The following FLRT1 variants were observed in gnomAD, a reference collection of about 807,000 sequenced individuals.
FLRT1 encodes the protein leucine-rich repeat transmembrane protein FLRT1.
FLRT1 carries 14 observed loss-of-function variants against 30.9 expected under a neutral mutation model. That is an observed-to-expected ratio of 0.45 (90% confidence interval 0.30 to 0.71). The LOEUF (loss-of-function observed/expected upper bound fraction) is 0.71. Ranked by LOEUF, FLRT1 falls within the 30% of genes least tolerant of loss-of-function variation. FLRT1 has a pLI of 0.08. For synonymous variants in FLRT1, 368 were observed against 430.4 expected, an observed-to-expected ratio of 0.85 and a Z score of 1.80; for missense variants, 737 against 949.2, an observed-to-expected ratio of 0.78 and a Z score of 2.94.
chr11:64,070,906 C>T (rs908804131), intron 1 of FLRT1, among the ~76,000 whole-genome samples: 5 of 152,012 alleles, frequency 3.3e-5, no homozygotes. Flanking sequence ...GGAAGGGGTA[C>T]CCATGGGTCC....
chr11:64,051,110 G>A (rs1275120305), intron 1 of FLRT1, among the ~76,000 whole-genome samples: 1 of 152,196 alleles, frequency 6.6e-6, no homozygotes, highest in Non-Finnish European at 1.5e-5. Flanking sequence ...TGCTGCCTGT[G>A]GGTGCAGCCC....
chr11:64,067,645 G>C lies in FLRT1; in HGVS notation c.-1038+31486G>C, dbSNP rs532120408. Reference sequence around the variant, plus strand: ...CCCGTGGCCTCCGGTGCACACACAGGGTCCCCAAGCAGGCAGCTGGAGGGC... The same window carrying C: ...CCCGTGGCCTCCGGTGCACACACAGCGTCCCCAAGCAGGCAGCTGGAGGGC... On this transcript the variant is annotated intron_variant, in intron 1 of 2. Coordinates refer to ENST00000682287, the MANE Select transcript of FLRT1 (RefSeq NM_013280.5). The surrounding 1 kb of genome is among the most constrained non-coding windows in gnomAD (Gnocchi z 4.6). 1.9e-4 allele frequency among the ~76,000 whole-genome samples: 29 copies of C among 152,250 alleles called. No homozygotes were observed. The East Asian group carries it at 4.1e-3, about 21-fold the overall frequency.
chr11:64,092,265 A>G (rs926934268), intron 1 of FLRT1, among the ~76,000 whole-genome samples: 4 of 152,062 alleles, frequency 2.6e-5, no homozygotes, highest in African/African-American at 7.2e-5. Flanking sequence ...AAAATTAAAC[A>G]CGGATGGTTT....
chr11:64,086,264 T>C (rs887887649), intron 1 of FLRT1, among the ~76,000 whole-genome samples: 1 of 151,604 alleles, frequency 6.6e-6, no homozygotes, highest in Non-Finnish European at 1.5e-5. Flanking sequence ...AGAGGGAGGC[T>C]TCCTTTGTTG....
chr11:64,053,046 C>T (rs74932083), intron 1 of FLRT1, among the ~76,000 whole-genome samples: 1,902 of 152,318 alleles, frequency 0.012, 39 homozygotes, highest in African/African-American at 0.043. Context: ...CCAAACAGTG[C>T]GCTGCAGCCT....
intron 1 of FLRT1, among the ~76,000 whole-genome samples, chr11:64,075,318 T>A (rs1693585748): frequency 6.6e-6 from 1 of 152,278 alleles, no homozygotes; most frequent in Non-Finnish European, 1.5e-5. Context: ...CCCATCACCC[T>A]GTTTAGACAG....
intron 1 of FLRT1, among the ~76,000 whole-genome samples, chr11:64,051,145 C>T (rs1943686605): frequency 6.6e-6 from 1 of 152,236 alleles, no homozygotes. Flanking sequence ...TTGAGGCCCC[C>T]TGACCACTCA....
At chr11:64,045,102 T>C (rs747592749) in intron 1 of FLRT1, among the ~76,000 whole-genome samples, 1 of 152,002 alleles carries the variant, frequency 6.6e-6, no homozygotes, top group African/African-American at 2.4e-5. Flanking sequence ...TCCGGGTGCA[T>C]GTGGTGGGTG....
intron 1 of FLRT1, among the ~76,000 whole-genome samples, chr11:64,092,844 G>A (rs945470802): frequency 4.6e-5 from 7 of 152,224 alleles, no homozygotes; most frequent in Non-Finnish European, 2.9e-5. Context: ...AGGTTAACAC[G>A]TGTCACCAAA....
chr11:64,085,480 G>A (rs1378752198), intron 1 of FLRT1, among the ~76,000 whole-genome samples: 3 of 152,344 alleles, frequency 2.0e-5, no homozygotes, highest in Admixed American at 2.0e-4. Flanking sequence ...ATGTGTCTGG[G>A]GCGGCCGGCT....
intron 1 of FLRT1, among the ~76,000 whole-genome samples, chr11:64,097,529 G>A (rs1000803092): frequency 1.3e-5 from 2 of 152,248 alleles, no homozygotes; most frequent in African/African-American, 2.4e-5. Context: ...GCCCAGGCCC[G>A]CCGGCCGGGC....
chr11:64,110,032 G>A (rs1364619348), intron 2 of FLRT1, among the ~76,000 whole-genome samples: 2 of 152,056 alleles, frequency 1.3e-5, no homozygotes, highest in Non-Finnish European at 2.9e-5. Flanking sequence ...TCAGGAGGGG[G>A]TACTCTGCAC....
chr11:64,094,059 G>A (rs987135382), intron 1 of FLRT1, among the ~76,000 whole-genome samples: 2 of 152,202 alleles, frequency 1.3e-5, no homozygotes, highest in Non-Finnish European at 2.9e-5. Flanking sequence ...CACTTTGGGA[G>A]GCCAAGCCAG....
At position 64,064,728 on chromosome 11, in the gene FLRT1, G is replaced by GC. The variant is rs1943965292; in HGVS notation, c.-1038+28575dup. 6.7e-6 allele frequency among the ~76,000 whole-genome samples: 1 copy of GC among 150,260 alleles called. No homozygotes were observed. On this transcript the variant is annotated intron_variant, in intron 1 of 2. Coordinates refer to ENST00000682287, the MANE Select transcript of FLRT1 (RefSeq NM_013280.5). The surrounding 1 kb of genome is among the most constrained non-coding windows in gnomAD (Gnocchi z 4.5). ...GAGTTCTCCTCTCCCCTCCCTGCCA[G>GC]CCCCCCAGCAGGCAGCCAGGCCTGG...
At chr11:64,112,097 C>T (rs966370160) in intron 2 of FLRT1, among the ~76,000 whole-genome samples, 2 of 152,216 alleles carry the variant, frequency 1.3e-5, no homozygotes, top group Non-Finnish European at 2.9e-5. Flanking sequence ...ATCTACAGAA[C>T]GAGTCCATCA....
At chr11:64,056,084 G>A (rs1433476721) in intron 1 of FLRT1, among the ~76,000 whole-genome samples, 1 of 152,234 alleles carries the variant, frequency 6.6e-6, no homozygotes, top group African/African-American at 2.4e-5. Flanking sequence ...CAGACAGGAG[G>A]AGGAAGGGAG....
intron 1 of FLRT1, among the ~76,000 whole-genome samples, chr11:64,089,393 A>G (rs1299501344): frequency 1.3e-5 from 2 of 152,160 alleles, no homozygotes; most frequent in Non-Finnish European, 2.9e-5. Flanking sequence ...CAGGAGGCTT[A>G]TCATCTCTGA....
In FLRT1 at chr11:64,057,606, G is replaced by C. The variant is rs893876731; in HGVS notation, c.-1038+21447G>C. On this transcript the variant is annotated intron_variant, in intron 1 of 2. Coordinates refer to ENST00000682287, the MANE Select transcript of FLRT1 (RefSeq NM_013280.5). ...ATCTGGCTGGTCACTGCCCGAGCAG[G>C]ACCTACACCCAAGGGCCTGGACCCC... is the stretch of plus-strand genomic sequence containing the variant. 4.6e-5 allele frequency among the ~76,000 whole-genome samples: 7 copies of C among 152,190 alleles called. No homozygotes were observed. The East Asian group carries it at 1.3e-3, about 29-fold the overall frequency.
chr11:64,088,157 T>C (rs1395811210), intron 1 of FLRT1, among the ~76,000 whole-genome samples: 1 of 152,154 alleles, frequency 6.6e-6, no homozygotes, highest in Non-Finnish European at 1.5e-5. Flanking sequence ...AAAAATAAAG[T>C]TGAACCCCGC....
Sources: allele counts gnomAD v4.1 joint callset (sites outside exome capture counted in the v4.1 genomes callset), GRCh38; gene constraint gnomAD v4.1.1; non-coding constraint Gnocchi (gnomAD v3.1); transcripts MANE v1.5; gene names NCBI Gene and HGNC (gene_info 2026-07-23, HGNC 2026-07-21).